The following TRAK2 variants were observed in gnomAD, a reference collection of about 807,000 sequenced individuals.
TRAK2 encodes trafficking kinesin protein 2, also known as trafficking kinesin-binding protein 2.
In TRAK2, 81 loss-of-function variants were observed where a neutral mutation model predicts 104.6. That is an observed-to-expected ratio of 0.77 (90% CI 0.65 to 0.93). TRAK2 has a LOEUF of 0.93. TRAK2 is among the 40% of genes least tolerant of loss of function. The pLI is 0.00. For synonymous variants in TRAK2, 406 were observed against 394.4 expected (o/e 1.03, Z -0.35); for missense variants, 1,002 against 1,089.0 (o/e 0.92, Z 1.12).
At position 201,380,733 on chromosome 2, in the gene TRAK2, G is replaced by A. The variant is rs1363476975; in HGVS notation, c.2555C>T (p.Ala852Val). 1 of 1,614,050 alleles carries A rather than the reference G, an allele frequency of 6.2e-7. No individual in the cohort carries two copies. The highest frequency in any genetic ancestry group is 8.5e-7 in the Non-Finnish European group (1 of 1,179,996). ...GIARVVKNPG[A>V]QENGRCQEAE... Reference sequence around the variant, plus strand: ...CTCCTGGCATCTTCCATTCTCTTGGGCACCAGGGTTCTTGACCACTCTGGC... The same window carrying A: ...CTCCTGGCATCTTCCATTCTCTTGGACACCAGGGTTCTTGACCACTCTGGC... Residue 852 changes from alanine to valine, a missense_variant, in exon 16 of 16, where the codon GCC becomes GTC. Transcript: ENST00000332624.
In TRAK2 at chr2:201,387,931, T is replaced by A. The variant is rs1323814733; in HGVS notation, c.1468A>T (p.Ser490Cys). ...SDLATALHRL[S>C]LRRQNYLSEK... ...CTTAAATAGTTTTGTCGACGCAAGC[T>A]AAGGCGATGCAGTGCTGTAGCCAAA... The change falls in exon 13 of 16, where the codon AGC becomes TGC. Residue 490 changes from serine (S) to cysteine (C), a missense_variant. Ser to Cys is a moderately radical substitution (Grantham distance 112, BLOSUM62 -1). Coordinates refer to ENST00000332624, the MANE Select transcript of TRAK2 (RefSeq NM_015049.3). 5 of 1,614,052 alleles carry A rather than the reference T, an allele frequency of 3.1e-6. No homozygotes were observed. In the East Asian group the frequency reaches 8.9e-5, roughly 29 times the overall value.
chr2:201,389,265 G>A, intron 12 of TRAK2, 35 bp downstream of exon 12: 1 of 1,591,004 alleles, frequency 6.3e-7, no homozygotes, highest in South Asian at 1.1e-5. Context: ...AATGTGAAAA[G>A]AAATGCAGAA....
intron 2 of TRAK2, among the ~76,000 whole-genome samples, chr2:201,413,676 G>A (rs1463269907): frequency 4.6e-5 from 7 of 151,916 alleles, no homozygotes; most frequent in Admixed American, 2.6e-4. Flanking sequence ...AGGAAACTGA[G>A]ACTTAAAGAT....
Position 201,447,085 on chromosome 2 carries a change from C to T in TRAK2, c.-200+4265G>A, listed in dbSNP as rs763870878. On this transcript the variant is annotated intron_variant, in intron 1 of 15. Transcript: ENST00000332624. This position sits in a 1 kb window ranked among gnomAD's most constrained non-coding sequence, Gnocchi z 4.1. ...GCACTAGCTACCTTGGTTACCTTGT[C>T]TCCGGTCTTATTACCTTTCATTTAT... Among the ~76,000 whole-genome samples the T allele has an allele frequency of 3.9e-5, 6 of 152,220 alleles. No homozygotes were observed. The highest frequency in any genetic ancestry group is 7.3e-5 in the Non-Finnish European group (5 of 68,036).
In TRAK2 at chr2:201,392,949, G is replaced by A; in HGVS notation, c.1073C>T (p.Ala358Val). Reference protein sequence around the residue: ...KELRSRSGPTAHLYFSQSYGA... With the variant: ...KELRSRSGPTVHLYFSQSYGA... ...ATATGATTGGGAGAAGTAGAGATGA[G>A]CAGTAGGGCCAGATCTACTACGAAG... The change falls in exon 10 of 16, where the codon GCT becomes GTT. Residue 358 changes from alanine to valine, a missense_variant. By Grantham distance (64) the Ala-to-Val change is moderately conservative (BLOSUM62 0). Coordinates refer to ENST00000332624, the MANE Select transcript of TRAK2 (RefSeq NM_015049.3). 2 of 1,613,608 alleles carry A rather than the reference G, an allele frequency of 1.2e-6. No individual in the cohort carries two copies. Among genetic ancestry groups the A allele is most frequent in the Non-Finnish European group, 1.7e-6 (2 of 1,179,774 alleles).
At chr2:201,422,258 T>C (rs1951748252) in intron 1 of TRAK2, among the ~76,000 whole-genome samples, 1 of 151,890 alleles carries the variant, frequency 6.6e-6, no homozygotes, top group Non-Finnish European at 1.5e-5. Context: ...AAAAAGCACA[T>C]ACCACACAAC....
Position 201,386,410 on chromosome 2 carries a change from C to T in TRAK2, c.1771G>A (p.Val591Ile), listed in dbSNP as rs1951391616. 7 of 1,614,070 alleles carry T rather than the reference C, an allele frequency of 4.3e-6. No individual in the cohort carries two copies. Among genetic ancestry groups the T allele is most frequent in the South Asian group, 3.3e-5 (3 of 91,092 alleles). ...LGTILDPRPG[V>I]ITKGFTQLPG... ...AACTGGGTAAAGCCTTTAGTAATGA[C>T]ACCTGGTCGTGGATCAAGGATGGTT... The change falls in exon 14 of 16, where the codon GTC becomes ATC. Residue 591 changes from valine (V) to isoleucine (I), a missense_variant. Val to Ile is a conservative substitution (Grantham distance 29). Transcript: ENST00000332624.
At chr2:201,449,910 C>T (rs1427978148) in intron 1 of TRAK2, among the ~76,000 whole-genome samples, 1 of 151,926 alleles carries the variant, frequency 6.6e-6, no homozygotes, top group Non-Finnish European at 1.5e-5. Context: ...TCAGGCTGTT[C>T]TTGAACTCTC....
chr2:201,393,295 G>A (rs758101677), intron 9 of TRAK2, among the ~76,000 whole-genome samples: 11 of 152,116 alleles, frequency 7.2e-5, no homozygotes, highest in Non-Finnish European at 1.0e-4. Flanking sequence ...AGTCTGAAAC[G>A]TAGCTAGACT....
Position 201,399,359 on chromosome 2 carries a change from A to T in TRAK2, c.480+18T>A, listed in dbSNP as rs1559442398. Reference sequence around the variant, plus strand: ...AACCTAATTATTTCATACTGCAGACATTTGATCAAAGGCTTACTTGATCAA... The same window carrying T: ...AACCTAATTATTTCATACTGCAGACTTTTGATCAAAGGCTTACTTGATCAA... On this transcript the variant is annotated intron_variant, in intron 5 of 15. Transcript: ENST00000332624. The T allele has an allele frequency of 1.3e-6, 2 of 1,533,142 alleles. No homozygotes were observed. The allele number at this position is 1,533,142 out of a possible 1,614,324, so 95.0% of individuals were successfully genotyped here.
Position 201,384,188 on chromosome 2 carries a change from C to T in TRAK2, c.1992G>A (p.Leu664=). The stretch of plus-strand genomic sequence containing the variant: ...AAGTGAATGTTGAGTTTGTGCACGA[C>T]AGGCACTTTCCTGGGTTGGCGGTTG... ...TVATANPGKC[L]SCTNSTFTFT... Residue 664 remains leucine (L), a synonymous_variant, in exon 15 of 16, where the codon CTG becomes CTA. Transcript: ENST00000332624. The T allele has an allele frequency of 1.9e-6, 3 of 1,613,444 alleles. No individual in the cohort carries two copies. Among genetic ancestry groups the T allele is most frequent in the African/African-American group, 2.7e-5 (2 of 74,958 alleles).
intron 1 of TRAK2, among the ~76,000 whole-genome samples, chr2:201,432,157 A>G (rs1360689937): frequency 2.0e-5 from 3 of 152,168 alleles, no homozygotes; most frequent in Non-Finnish European, 4.4e-5. Context: ...ATCTTCTTTC[A>G]ACCTAAGAAA....
intron 3 of TRAK2, among the ~76,000 whole-genome samples, chr2:201,401,988 A>G (rs984564548): frequency 2.4e-4 from 36 of 152,050 alleles, no homozygotes; most frequent in Non-Finnish European, 4.4e-5. Context: ...GGGGCTTTGG[A>G]GTAGAAAAGC....
intron 1 of TRAK2, among the ~76,000 whole-genome samples, chr2:201,436,652 C>T (rs537118952): frequency 6.6e-6 from 1 of 152,168 alleles, no homozygotes; most frequent in South Asian, 2.1e-4. Flanking sequence ...TTCTCTTTGT[C>T]CTCTCTAACA....
intron 2 of TRAK2, chr2:201,410,866 G>A (rs1170846271): frequency 3.2e-5 from 51 of 1,589,118 alleles, no homozygotes; most frequent in Non-Finnish European, 3.9e-5. Context: ...ACCAGCAGGA[G>A]GAACATTCAA....
At chr2:201,423,613 T>A (rs1951761594) in intron 1 of TRAK2, 1 of 152,172 alleles carries the variant, frequency 6.6e-6, no homozygotes, top group Non-Finnish European at 1.5e-5. Flanking sequence ...AAAATAAAAT[T>A]TTTTTAAAAA....
Position 201,384,223 on chromosome 2 carries a change from T to C in TRAK2, c.1964-7A>G, listed in dbSNP as rs1351858259. The C allele has an allele frequency of 1.9e-6, 3 of 1,606,906 alleles. No homozygotes were observed. Among genetic ancestry groups the C allele is most frequent in the Non-Finnish European group, 2.6e-6 (3 of 1,175,188 alleles). On this transcript the variant is annotated splice_polypyrimidine_tract_variant and splice_region_variant and intron_variant, in intron 14 of 15. Transcript: ENST00000332624. ...CCTGGGTTGGCGGTTGCAACTGAAA[T>C]AGATTTTTAGGGAGCAAATACAAGA... is the stretch of plus-strand genomic sequence containing the variant.
At chr2:201,421,894 C>G (rs1203947676) in intron 1 of TRAK2, among the ~76,000 whole-genome samples, 2 of 151,706 alleles carry the variant, frequency 1.3e-5, no homozygotes, top group Non-Finnish European at 2.9e-5. Context: ...ACTACAGATA[C>G]AAAAATTAGG....
chr2:201,450,452 G>A (rs1182385882), intron 1 of TRAK2, among the ~76,000 whole-genome samples: 1 of 151,968 alleles, frequency 6.6e-6, no homozygotes, highest in African/African-American at 2.4e-5. Flanking sequence ...TAACTGCTAG[G>A]ATGATAAAAT....
Sources: allele counts gnomAD v4.1 joint callset (sites outside exome capture counted in the v4.1 genomes callset), GRCh38; gene constraint gnomAD v4.1.1; non-coding constraint Gnocchi (gnomAD v3.1); transcripts MANE v1.5; gene names NCBI Gene and HGNC (gene_info 2026-07-23, HGNC 2026-07-21).